RARB: variants seen among roughly 807,000 people sequenced by gnomAD.
The protein encoded by RARB is HBV-activated protein.
Under a neutral mutation model 51.9 loss-of-function variants are expected in RARB, and 17 were observed. The observed-to-expected ratio is 0.33, with a 90% confidence interval of 0.22 to 0.49. The LOEUF is 0.49. RARB is among the 20% of genes least tolerant of loss of function. The pLI, the probability that RARB is intolerant of heterozygous loss-of-function variation, is 0.99. For synonymous variants in RARB, 215 were observed against 195.4 expected (o/e 1.10, Z -0.84); for missense variants, 369 against 550.8 (o/e 0.67, Z 3.30).
intron 4 of RARB, among the ~76,000 whole-genome samples, chr3:25,165,206 T>C (rs1700540158): frequency 6.6e-6 from 1 of 152,168 alleles, no homozygotes; most frequent in Admixed American, 6.5e-5. Flanking sequence ...GAAGCACAGT[T>C]GTAGCTACTG....
At chr3:24,952,199 C>A (rs939335126) in intron 2 of RARB, among the ~76,000 whole-genome samples, 2 of 151,830 alleles carry the variant, frequency 1.3e-5, no homozygotes, top group Non-Finnish European at 2.9e-5. Flanking sequence ...CATAGTGAGA[C>A]CCTGTCTATT....
intron 2 of RARB, among the ~76,000 whole-genome samples, chr3:25,043,050 C>T (rs540851475): frequency 2.0e-5 from 3 of 152,168 alleles, no homozygotes; most frequent in Non-Finnish European, 4.4e-5. Context: ...GATGTAATGG[C>T]GTGAGGCAGG....
intron 4 of RARB, among the ~76,000 whole-genome samples, chr3:25,163,501 C>CAAAAAAA (rs1385452358): frequency 2.5e-5 from 2 of 78,688 alleles, no homozygotes; most frequent in African/African-American, 1.1e-4. Context: ...GACCCTATCT[C>CAAAAAAA]AAAATATATA....
intron 5 of RARB, among the ~76,000 whole-genome samples, chr3:25,216,301 T>C (rs1340141592): frequency 2.6e-5 from 4 of 152,158 alleles, no homozygotes; most frequent in Admixed American, 2.6e-4. Flanking sequence ...ATCAGCCAAA[T>C]GTATATCCAT....
chr3:24,842,014 A>G (rs2125330816), intron 1 of RARB, among the ~76,000 whole-genome samples: 1 of 152,256 alleles, frequency 6.6e-6, no homozygotes, highest in Middle Eastern at 3.4e-3. Context: ...GATGCAGTCT[A>G]TTTACATGCT....
chr3:24,880,890 T>C (rs1325553802), intron 2 of RARB, among the ~76,000 whole-genome samples: 1 of 152,248 alleles, frequency 6.6e-6, no homozygotes. Flanking sequence ...TTAATGTCTA[T>C]TACAATAAAG....
chr3:25,049,621 T>C (rs1698286509), intron 2 of RARB, among the ~76,000 whole-genome samples: 2 of 152,200 alleles, frequency 1.3e-5, no homozygotes, highest in South Asian at 2.1e-4. Flanking sequence ...GTGTTAAAAA[T>C]TAAAGCATCC....
chr3:25,332,483 T>C (rs1575319115), intron 5 of RARB, among the ~76,000 whole-genome samples: 1 of 152,330 alleles, frequency 6.6e-6, no homozygotes, highest in East Asian at 1.9e-4. Flanking sequence ...CAGCCCTTCA[T>C]GCTAAAAACT....
At chr3:25,309,752 C>T (rs966636808) in intron 5 of RARB, among the ~76,000 whole-genome samples, 9 of 152,002 alleles carry the variant, frequency 5.9e-5, no homozygotes, top group African/African-American at 2.2e-4. Context: ...ACCTCGGCCT[C>T]CCAAAGTGCT....
chr3:25,401,658 C>A (rs530438856), intron 5 of RARB, among the ~76,000 whole-genome samples: 3 of 152,250 alleles, frequency 2.0e-5, no homozygotes, highest in Admixed American at 2.0e-4. Context: ...AGATTGGACA[C>A]CACAGAAGAA....
chr3:25,490,929 T>C (rs1696702727), intron 2 of RARB, among the ~76,000 whole-genome samples: 1 of 152,198 alleles, frequency 6.6e-6, no homozygotes, highest in Non-Finnish European at 1.5e-5. Context: ...TCTTGCATTT[T>C]AGAGGCTTCG....
intron 1 of RARB, among the ~76,000 whole-genome samples, chr3:24,837,307 GTCT>G (rs1181668024): frequency 6.6e-6 from 1 of 152,200 alleles, no homozygotes; most frequent in Non-Finnish European, 1.5e-5. Context: ...ATATAGTCTT[GTCT>G]TCTTTAAGAT....
chr3:25,397,088 T>C (rs1242524091), intron 5 of RARB, among the ~76,000 whole-genome samples: 2 of 152,192 alleles, frequency 1.3e-5, no homozygotes, highest in African/African-American at 4.8e-5. Context: ...AAGTTGAAAT[T>C]ATTACAAATT....
intron 2 of RARB, among the ~76,000 whole-genome samples, chr3:25,481,057 G>T (rs2125581453): frequency 6.6e-6 from 1 of 152,168 alleles, no homozygotes; most frequent in Admixed American, 6.5e-5. Context: ...GCACTGCCAG[G>T]TTTTTCAATA....
chr3:25,168,155 G>C (rs1455451938), intron 4 of RARB, among the ~76,000 whole-genome samples: 1 of 152,118 alleles, frequency 6.6e-6, no homozygotes, highest in Admixed American at 6.6e-5. Flanking sequence ...AAAAAGTAAA[G>C]AGAAAGAGTC....
At chr3:25,338,127 A>G (rs1705120910) in intron 5 of RARB, among the ~76,000 whole-genome samples, 1 of 143,478 alleles carries the variant, frequency 7.0e-6, no homozygotes, top group Non-Finnish European at 1.5e-5. Context: ...ACACACACAC[A>G]CACACACAGA....
intron 2 of RARB, among the ~76,000 whole-genome samples, chr3:24,860,975 C>A (rs1309188194): frequency 6.6e-6 from 1 of 152,150 alleles, no homozygotes; most frequent in East Asian, 1.9e-4. Context: ...GTGAAACTCA[C>A]ACAATGACAA....
chr3:25,490,699 AT>A (rs149658792), intron 2 of RARB, among the ~76,000 whole-genome samples: 12,767 of 150,774 alleles, frequency 0.085, 621 homozygotes, highest in Middle Eastern at 0.18. Flanking sequence ...ATTTTGTTGC[AT>A]TTTTTTTTCA....
At chr3:25,531,334 G>A (rs1698898106) in intron 3 of RARB, among the ~76,000 whole-genome samples, 1 of 152,060 alleles carries the variant, frequency 6.6e-6, no homozygotes, top group Non-Finnish European at 1.5e-5. Context: ...CTCTGAGAAA[G>A]TCAAGGCCAA....
Sources: allele counts gnomAD v4.1 joint callset (sites outside exome capture counted in the v4.1 genomes callset), GRCh38; gene constraint gnomAD v4.1.1; transcripts MANE v1.5; gene names NCBI Gene and HGNC (gene_info 2026-07-23, HGNC 2026-07-21).